ETAA1: variants seen among roughly 807,000 people sequenced by gnomAD.
The protein encoded by ETAA1 is ETAA1 activator of ATR kinase, also known as ewing's tumor-associated antigen 1.
A neutral mutation model predicts 76.8 loss-of-function variants in ETAA1; 49 were observed. That is an observed-to-expected ratio of 0.64 (90% CI 0.51 to 0.81). The LOEUF is 0.81. Ranked by LOEUF, ETAA1 falls within the 30% of genes least tolerant of loss-of-function variation. The pLI, the probability that ETAA1 is intolerant of heterozygous loss-of-function variation, is 0.00. For synonymous variants in ETAA1, 373 were observed against 372.2 expected (o/e 1.00, Z -0.03); for missense variants, 1,099 against 1,074.0 (o/e 1.02, Z -0.32).
intron 1 of ETAA1, among the ~76,000 whole-genome samples, chr2:67,397,968 G>A (rs868436605): frequency 3.3e-5 from 5 of 152,206 alleles, no homozygotes; most frequent in African/African-American, 1.2e-4. Context: ...CCAGTCAGCA[G>A]CAGTGGTGGA....
Position 67,405,108 on chromosome 2 carries a change from A to G in ETAA1, c.2426A>G (p.Gln809Arg), listed in dbSNP as rs1219664442. The G allele has an allele frequency of 3.1e-6, 5 of 1,612,640 alleles. No individual in the cohort carries two copies. Among genetic ancestry groups the G allele is most frequent in the Non-Finnish European group, 4.2e-6 (5 of 1,179,244 alleles). ...PCHKTVTDEAQSNLNTTVGFS... is the reference protein window; with the variant it reads ...PCHKTVTDEARSNLNTTVGFS... ...CATAAGACTGTAACAGATGAAGCTCAGAGCAACCTTAACACAACAGTTGGA... is the reference window on the plus strand; with the variant it reads ...CATAAGACTGTAACAGATGAAGCTCGGAGCAACCTTAACACAACAGTTGGA... The change falls in exon 5 of 6, where the codon CAG becomes CGG. Residue 809 changes from glutamine (Q) to arginine (R), a missense_variant. By Grantham distance (43) the Gln-to-Arg change is conservative. Transcript: ENST00000272342.
chr2:67,398,882 C>A (rs62154955), intron 1 of ETAA1, among the ~76,000 whole-genome samples: 10,321 of 152,180 alleles, frequency 0.068, 455 homozygotes, highest in Middle Eastern at 0.13. Flanking sequence ...CTCCAAGACT[C>A]AATGGTAATA....
At chr2:67,408,823 A>G (rs1326304787) in intron 5 of ETAA1, among the ~76,000 whole-genome samples, 1 of 152,066 alleles carries the variant, frequency 6.6e-6, no homozygotes, top group African/African-American at 2.4e-5. Context: ...TTCTTTCCAC[A>G]CAGTCAAATT....
At position 67,402,903 on chromosome 2, in the gene ETAA1, T is replaced by G. The variant is rs778418458; in HGVS notation, c.471T>G (p.Ile157Met). 1 of 1,605,290 alleles carries G rather than the reference T, an allele frequency of 6.2e-7. No individual in the cohort carries two copies. The highest frequency in any genetic ancestry group is 2.3e-5 in the East Asian group (1 of 44,276). Residue 157 changes from isoleucine (I) to methionine (M), a missense_variant, in exon 4 of 6, where the codon ATT becomes ATG. Around this residue, in one of 3 missense-constraint regions of ETAA1, gnomAD observed 761 missense variants for 731.9 expected, o/e 1.04. Coordinates refer to ENST00000272342, the MANE Select transcript of ETAA1 (RefSeq NM_019002.4). ...CAAATTCTATGCTGGACATGTGGATTGGTGAAACTGCTATTCCTTGTACTC... is the reference window on the plus strand; with the variant it reads ...CAAATTCTATGCTGGACATGTGGATGGGTGAAACTGCTATTCCTTGTACTC... Reference protein sequence around the residue: ...PTTNSMLDMWIGETAIPCTPS... With the variant: ...PTTNSMLDMWMGETAIPCTPS...
chr2:67,401,820 A>T (rs1339543092), intron 3 of ETAA1: 1 of 151,904 alleles, frequency 6.6e-6, no homozygotes, highest in Non-Finnish European at 1.5e-5. Context: ...TTTCTTGAGT[A>T]TTTGCAAAGC....
chr2:67,409,912 GGAA>G lies in ETAA1; in HGVS notation c.2661_2663del (p.Glu888del), dbSNP rs1244336157. 2 of 1,588,550 alleles carry G rather than the reference GGAA, an allele frequency of 1.3e-6. No homozygotes were observed. The highest frequency in any genetic ancestry group is 1.9e-5 in the Admixed American group (1 of 52,532). ...ACTCATCTTTTGTTGAATTTTTAGA[GGAA>G]GAAGAGAAAAATAGAAAGTGTTCTC... On this transcript the variant is annotated inframe_deletion and splice_region_variant, in exon 6 of 6. Transcript: ENST00000272342.
At position 67,410,216 on chromosome 2, in the gene ETAA1, G is replaced by GTAT. The variant is rs1572912817; in HGVS notation, c.*180_*182dup. On this transcript the variant is annotated 3_prime_UTR_variant, in exon 6 of 6. Transcript: ENST00000272342. Reference sequence around the variant, plus strand: ...GTAAATGAAACATTTCCTTGGACATGTATTTGAAAGTCATTAAATACAAAA... The same window carrying GTAT: ...GTAAATGAAACATTTCCTTGGACATGTATTATTTGAAAGTCATTAAATACAAAA... The GTAT allele has an allele frequency of 1.7e-6, 1 of 594,156 alleles. No individual in the cohort carries two copies. The highest frequency in any genetic ancestry group is 2.8e-6 in the Non-Finnish European group (1 of 353,868). 36.8% of individuals were successfully genotyped at this position (594,156 alleles called of 1,614,324 possible). A position where few individuals can be genotyped will look rare whatever the true frequency, so the allele number is the denominator to read the frequency against.
Position 67,399,171 on chromosome 2 carries a change from A to C in ETAA1, c.226A>C (p.Arg76=), listed in dbSNP as rs781733766. The C allele has an allele frequency of 6.2e-7, 1 of 1,607,334 alleles. No individual in the cohort carries two copies. Among genetic ancestry groups the C allele is most frequent in the East Asian group, 2.2e-5 (1 of 44,792 alleles). ...TATTTTACTCATATTTTATATAGAA[A>C]GGTATGAAACACCAAAGAGAGCGCT... ...ALCSKSNPEE[R]YETPKRALKM... The change falls in exon 2 of 6, where the codon AGG becomes CGG. Residue 76 remains arginine (R), a splice_region_variant and synonymous_variant. Coordinates refer to ENST00000272342, the MANE Select transcript of ETAA1 (RefSeq NM_019002.4).
At position 67,410,266 on chromosome 2, in the gene ETAA1, C is replaced by CAATT. The variant is rs1199997654; in HGVS notation, c.*230_*233dup. ...AGTTTTGGAAATTCAGGAAAGTTAG[C>CAATT]AATTATGTACGGATATTATACAGAG... On this transcript the variant is annotated 3_prime_UTR_variant, in exon 6 of 6. Coordinates refer to ENST00000272342, the MANE Select transcript of ETAA1 (RefSeq NM_019002.4). The CAATT allele has an allele frequency of 2.2e-6, 1 of 458,552 alleles. No individual in the cohort carries two copies. Among genetic ancestry groups the CAATT allele is most frequent in the East Asian group, 4.4e-5 (1 of 22,926 alleles). The allele number at this position is 458,552 out of a possible 1,614,324, so 28.4% of individuals were successfully genotyped here.
intron 1 of ETAA1, 32 bp downstream of exon 1, chr2:67,397,703 T>A: frequency 6.5e-7 from 1 of 1,537,298 alleles, no homozygotes; most frequent in Non-Finnish European, 8.8e-7. Context: ...CTGCCTTGGC[T>A]TCGGCGCCGC....
At chr2:67,409,628 A>C (rs1005317887) in intron 5 of ETAA1, among the ~76,000 whole-genome samples, 4 of 151,978 alleles carry the variant, frequency 2.6e-5, no homozygotes, top group African/African-American at 9.7e-5. Context: ...CATTGTCCAC[A>C]AGAATTATTT....
At chr2:67,409,649 C>T (rs868274653) in intron 5 of ETAA1, among the ~76,000 whole-genome samples, 6 of 151,844 alleles carry the variant, frequency 4.0e-5, no homozygotes, top group Middle Eastern at 3.2e-3. Flanking sequence ...GGTGGGTAGT[C>T]AGTTTTCTAT....
At position 67,411,875 on chromosome 2, in the gene ETAA1, CT is replaced by C. The variant is rs1302713216; in HGVS notation, c.*1838del. 2 of 151,978 alleles carry C rather than the reference CT, an allele frequency of 1.3e-5. No individual in the cohort carries two copies. The highest frequency in any genetic ancestry group is 4.8e-5 in the African/African-American group (2 of 41,406). The allele number at this position is 151,978 out of a possible 1,614,324, so 9.4% of individuals were successfully genotyped here. Reference sequence around the variant, plus strand: ...TGTGTTCTGACTATGCTTTGGATATCTCTGTCCTTGCTTAAGCTCCTCCCTG... The same window carrying C: ...TGTGTTCTGACTATGCTTTGGATATCCTGTCCTTGCTTAAGCTCCTCCCTG... On this transcript the variant is annotated 3_prime_UTR_variant, in exon 6 of 6. Transcript: ENST00000272342.
chr2:67,407,020 GTA>G (rs1558582763), intron 5 of ETAA1, among the ~76,000 whole-genome samples: 1 of 151,960 alleles, frequency 6.6e-6, no homozygotes, highest in East Asian at 1.9e-4. Context: ...TTGTATAATT[GTA>G]TCTGTTAATT....
chr2:67,397,848 G>C (rs1228210763), intron 1 of ETAA1, among the ~76,000 whole-genome samples, 177 bp downstream of exon 1: 1 of 152,042 alleles, frequency 6.6e-6, no homozygotes, highest in African/African-American at 2.4e-5. Context: ...TTTTGTCCCC[G>C]AACTTCAGCA....
In ETAA1 at chr2:67,399,136, C is replaced by A. The variant is rs778341383; in HGVS notation, c.224-33C>A. ...CGAAGTAAGGTAATGCTTTAAAATG[C>A]AACAATTGTTATTTTACTCATATTT... is the stretch of plus-strand genomic sequence containing the variant. On this transcript the variant is annotated intron_variant, in intron 1 of 5. Coordinates refer to ENST00000272342, the MANE Select transcript of ETAA1 (RefSeq NM_019002.4). The A allele has an allele frequency of 3.1e-6, 5 of 1,589,998 alleles. No homozygotes were observed. In the African/African-American group the frequency reaches 5.4e-5, roughly 17 times the overall value.
intron 5 of ETAA1, among the ~76,000 whole-genome samples, chr2:67,405,996 C>G (rs1023173545): frequency 2.6e-5 from 4 of 152,014 alleles, no homozygotes; most frequent in Admixed American, 6.6e-5. Context: ...TACTGCAGTT[C>G]TTTTATCTAT....
chr2:67,409,815 G>T, intron 5 of ETAA1, 96 bp from the exon 6 acceptor site: 3 of 1,119,578 alleles, frequency 2.7e-6, no homozygotes. Flanking sequence ...AACTAATATG[G>T]CAAATCTGGG....
In ETAA1 at chr2:67,405,065, A is replaced by T. The variant is rs777845190; in HGVS notation, c.2383A>T (p.Ser795Cys). Residue 795 changes from serine to cysteine, a missense_variant, in exon 5 of 6, where the codon AGT becomes TGT. By Grantham distance (112) the Ser-to-Cys change is moderately radical (BLOSUM62 -1). Around this residue, in one of 3 missense-constraint regions of ETAA1, gnomAD observed 302 missense variants for 278.1 expected, o/e 1.09. Coordinates refer to ENST00000272342, the MANE Select transcript of ETAA1 (RefSeq NM_019002.4). ...TEITTYKKKL[S>C]TNQPCHKTVT... ...AATTACTACTTATAAGAAGAAATTGAGTACTAATCAGCCATGCCATAAGAC... is the reference window on the plus strand; with the variant it reads ...AATTACTACTTATAAGAAGAAATTGTGTACTAATCAGCCATGCCATAAGAC... The T allele has an allele frequency of 6.2e-7, 1 of 1,612,114 alleles. No homozygotes were observed. Among genetic ancestry groups the T allele is most frequent in the South Asian group, 1.1e-5 (1 of 90,920 alleles).
Sources: gnomAD v4.1 joint callset for allele counts (sites outside exome capture counted in the v4.1 genomes callset) on GRCh38, gnomAD v4.1.1 for gene constraint, gnomAD v4.1.1 regional missense constraint, MANE v1.5 for transcripts, NCBI Gene and HGNC (gene_info 2026-07-23, HGNC 2026-07-21) for gene names.